Variants in OR5B2 observed in about 807,000 individuals in gnomAD.
OR5B2 encodes the protein olfactory receptor 5B2.
For missense variants in OR5B2, 411 were observed against 367.0 expected (o/e 1.12, Z -0.98); for synonymous variants, 163 against 140.8 (o/e 1.16, Z -1.11).
rs1855300196 is a variant in OR5B2 at position 58,423,145 on chromosome 11, C to T, written c.117G>A (p.Gly39=). The T allele has an allele frequency of 6.2e-7, 1 of 1,613,502 alleles. No individual in the cohort carries two copies. Among genetic ancestry groups the T allele is most frequent in the Non-Finnish European group, 8.5e-7 (1 of 1,179,750 alleles). ...GGATCAGCAACATCATCCCCAGGTT[C>T]CCACACAGAGTGAGGAGGTAGATGA... ...FTFIYLLTLC[G]NLGMMLLILM... The change falls in exon 3 of 3, where the codon GGG becomes GGA. Residue 39 remains glycine (G), a synonymous_variant. Transcript: ENST00000641342.
Position 58,422,332 on chromosome 11 carries a change from T to G in OR5B2, c.930A>C (p.Ter310TyrextTer24). The G allele has an allele frequency of 6.3e-7, 1 of 1,592,532 alleles. No homozygotes were observed. The highest frequency in any genetic ancestry group is 1.7e-4 in the Middle Eastern group (1 of 5,984). ...KKVLRRQKFL[*>Y] ...ATACAACAATGTTAAAATTCCAAACTTATAGAAATTTTTGCCTTCTCAACA... is the reference window on the plus strand; with the variant it reads ...ATACAACAATGTTAAAATTCCAAACGTATAGAAATTTTTGCCTTCTCAACA... Residue 310 changes from the stop codon to tyrosine (Y), a stop_lost, in exon 3 of 3, where the codon TAA becomes TAC. Transcript: ENST00000641342.
In OR5B2 at chr11:58,423,262, C is replaced by G; in HGVS notation, c.-1G>C. On this transcript the variant is annotated 5_prime_UTR_variant, in exon 3 of 3. Coordinates refer to ENST00000641342, the MANE Select transcript of OR5B2 (RefSeq NM_001005566.3). ...TTGTCACTTCCGTACAATTCTCCAT[C>G]AGTATTATCTGAGAAACTTAAGATG... 1 of 1,563,102 alleles carries G rather than the reference C, an allele frequency of 6.4e-7. No individual in the cohort carries two copies. The highest frequency in any genetic ancestry group is 8.7e-7 in the Non-Finnish European group (1 of 1,149,434).
At chr11:58,427,036 ATC>A in intron 1 of OR5B2, among the ~76,000 whole-genome samples, 1 of 152,018 alleles carries the variant, frequency 6.6e-6, no homozygotes, top group Non-Finnish European at 1.5e-5. Flanking sequence ...TCAATAAATG[ATC>A]ACCAAAAGGT....
At chr11:58,424,850 G>A (rs1454557382) in intron 2 of OR5B2, among the ~76,000 whole-genome samples, 2 of 152,002 alleles carry the variant, frequency 1.3e-5, no homozygotes, top group Non-Finnish European at 2.9e-5. Flanking sequence ...CAGATGTTAA[G>A]AACTTTTTAT....
intron 2 of OR5B2, among the ~76,000 whole-genome samples, chr11:58,425,934 C>A (rs997230169): frequency 6.6e-6 from 1 of 152,098 alleles, no homozygotes; most frequent in Non-Finnish European, 1.5e-5. Flanking sequence ...AAATCTAAAG[C>A]CTTCAATCAA....
At chr11:58,424,050 A>C (rs1855312442) in intron 2 of OR5B2, among the ~76,000 whole-genome samples, 1 of 152,198 alleles carries the variant, frequency 6.6e-6, no homozygotes, top group South Asian at 2.1e-4. Flanking sequence ...GGTGCTTATC[A>C]GCCCTACCAT....
rs766268328 is a variant in OR5B2 at position 58,422,926 on chromosome 11, C to A, written c.336G>T (p.Leu112Phe). The stretch of plus-strand genomic sequence containing the variant: ...AGCGGTCATAGGCCATTGAGGCCAA[C>A]AAGTAATTTTCCACCGTGGCCAAGG... ...FVALATVENY[L>F]LASMAYDRYA... The change falls in exon 3 of 3, where the codon TTG becomes TTT. Residue 112 changes from leucine (L) to phenylalanine (F), a missense_variant. Transcript: ENST00000641342. 10 of 1,613,766 alleles carry A rather than the reference C, an allele frequency of 6.2e-6. No homozygotes were observed. The highest frequency in any genetic ancestry group is 8.5e-6 in the Non-Finnish European group (10 of 1,179,852).
At chr11:58,424,939 TTGAA>T (rs1263969219) in intron 2 of OR5B2, among the ~76,000 whole-genome samples, 4 of 152,130 alleles carry the variant, frequency 2.6e-5, no homozygotes, top group Non-Finnish European at 4.4e-5. Flanking sequence ...AATTTGATAT[TTGAA>T]AAGTTTTGTG....
At chr11:58,426,945 TG>T (rs1855344922) in intron 1 of OR5B2, among the ~76,000 whole-genome samples, 1 of 152,148 alleles carries the variant, frequency 6.6e-6, no homozygotes, top group Non-Finnish European at 1.5e-5. Flanking sequence ...GTCTTATCCC[TG>T]GCCATTGTTG....
At position 58,422,455 on chromosome 11, in the gene OR5B2, G is replaced by T; in HGVS notation, c.807C>A (p.Asp269Glu). The change falls in exon 3 of 3, where the codon GAC (aspartate) becomes GAA (glutamate). Residue 269 changes from aspartate (D) to glutamate (E), a missense_variant. Transcript: ENST00000641342. ...QPSSSHSMDT[D>E]KMASVFYAMI... ...TAGCATAGAACACAGATGCCATTTT[G>T]TCTGTGTCCATGGAGTGGCTGGAGC... 1.2e-6 allele frequency: 2 copies of T among 1,613,472 alleles called. No individual in the cohort carries two copies. Among genetic ancestry groups the T allele is most frequent in the Non-Finnish European group, 1.7e-6 (2 of 1,179,586 alleles).
Position 58,422,265 on chromosome 11 carries a change from G to A in OR5B2, c.*67C>T, listed in dbSNP as rs1215436233. 1.1e-6 allele frequency: 1 copy of A among 938,432 alleles called. No individual in the cohort carries two copies. The highest frequency in any genetic ancestry group is 1.7e-6 in the Non-Finnish European group (1 of 599,022). 58.1% of individuals were successfully genotyped at this position (938,432 alleles called of 1,614,324 possible). On this transcript the variant is annotated 3_prime_UTR_variant, in exon 3 of 3. Transcript: ENST00000641342. ...TGTGGGGTTTCAAATGTAACTCATT[G>A]CATGAGGAAAGTCTGAGATGAGGGA... is the stretch of plus-strand genomic sequence containing the variant.
chr11:58,424,960 T>G (rs1855320884), intron 2 of OR5B2, among the ~76,000 whole-genome samples: 1 of 152,264 alleles, frequency 6.6e-6, no homozygotes, highest in Non-Finnish European at 1.5e-5. Context: ...TGTGATATTC[T>G]ACAATTATAC....
In OR5B2 at chr11:58,423,081, G is replaced by GT; in HGVS notation, c.180_181insA (p.Leu61ThrfsTer3). The GT allele has an allele frequency of 6.2e-7, 1 of 1,613,648 alleles. No homozygotes were observed. On this transcript the variant is annotated frameshift_variant, in exon 3 of 3. Transcript: ENST00000641342. LOFTEE classifies it low-confidence loss of function (END_TRUNC). The stretch of plus-strand genomic sequence containing the variant: ...AAGTCCACCAGAGACAGGTTACTGA[G>GT]GAAAAAGTACATGGGGGTGTGGAGA...
Position 58,423,191 on chromosome 11 carries a change from G to T in OR5B2, c.71C>A (p.Pro24His). 6.2e-7 allele frequency: 1 copy of T among 1,613,452 alleles called. No individual in the cohort carries two copies. The highest frequency in any genetic ancestry group is 1.7e-4 in the Middle Eastern group (1 of 6,056). The change falls in exon 3 of 3, where the codon CCC becomes CAC. Residue 24 changes from proline (P) to histidine (H), a missense_variant. Coordinates refer to ENST00000641342, the MANE Select transcript of OR5B2 (RefSeq NM_001005566.3). ...GATGAAGGTGAACAAGATAAAGAGG[G>T]GGATCTGTAGTTCTGGGACACTGGT... ...GLTSVPELQI[P>H]LFILFTFIYL...
At position 58,422,817 on chromosome 11, in the gene OR5B2, A is replaced by T. The variant is rs1391692605; in HGVS notation, c.445T>A (p.Cys149Ser). The change falls in exon 3 of 3, where the codon TGT becomes AGT. Residue 149 changes from cysteine (C) to serine (S), a missense_variant. Physicochemically the swap from Cys to Ser is moderately radical, Grantham distance 112. Transcript: ENST00000641342. ...TGGAATGAGGCATTTAGGAAGCCAC[A>T]GACATATGAGCCTAGGGCCAGACAG... ...GACLALGSYVCGFLNASFHIG... is the reference protein window; with the variant it reads ...GACLALGSYVSGFLNASFHIG... The T allele has an allele frequency of 6.2e-7, 1 of 1,613,804 alleles. No homozygotes were observed.
chr11:58,425,823 G>A (rs1855330187), intron 2 of OR5B2, among the ~76,000 whole-genome samples: 1 of 151,784 alleles, frequency 6.6e-6, no homozygotes, highest in African/African-American at 2.4e-5. Flanking sequence ...AGGGTTCCAT[G>A]TAAGTTTTGA....
chr11:58,423,270 T>A lies in OR5B2; in HGVS notation c.-9A>T, dbSNP rs1476394976. On this transcript the variant is annotated 5_prime_UTR_variant, in exon 3 of 3. Coordinates refer to ENST00000641342, the MANE Select transcript of OR5B2 (RefSeq NM_001005566.3). The stretch of plus-strand genomic sequence containing the variant: ...TCCGTACAATTCTCCATCAGTATTA[T>A]CTGAGAAACTTAAGATGACCTGTAG... The A allele has an allele frequency of 6.5e-7, 1 of 1,537,340 alleles. No individual in the cohort carries two copies.
intron 1 of OR5B2, among the ~76,000 whole-genome samples, chr11:58,427,240 G>T (rs1378097952): frequency 1.3e-5 from 2 of 152,120 alleles, no homozygotes; most frequent in Admixed American, 6.6e-5. Context: ...AACTGCATAT[G>T]AAAGCCTGGT....
intron 2 of OR5B2, among the ~76,000 whole-genome samples, chr11:58,424,721 C>T (rs75525493): frequency 0.019 from 2,824 of 152,192 alleles, 29 homozygotes; most frequent in African/African-American, 0.032. Flanking sequence ...AACTACTATT[C>T]ATCTGCTAAC....
Sources: gnomAD v4.1 joint callset for allele counts (sites outside exome capture counted in the v4.1 genomes callset) on GRCh38, gnomAD v4.1.1 for gene constraint, MANE v1.5 for transcripts, NCBI Gene and HGNC (gene_info 2026-07-23, HGNC 2026-07-21) for gene names.